The following NTM variants were observed in gnomAD, a reference collection of about 807,000 sequenced individuals.
NTM encodes the protein IgLON family member 2.
A neutral mutation model predicts 42.1 loss-of-function variants in NTM; 13 were observed. The observed-to-expected ratio is 0.31, with a 90% confidence interval of 0.20 to 0.49. The LOEUF is 0.49. Among genes scored for constraint, NTM ranks in the 20% least tolerant of loss-of-function variants. The pLI, the probability that NTM is intolerant of heterozygous loss-of-function variation, is 0.99. For synonymous variants in NTM, 187 were observed against 179.2 expected, an observed-to-expected ratio of 1.04 and a Z score of -0.35; for missense variants, 373 against 452.8, an observed-to-expected ratio of 0.82 and a Z score of 1.60.
intron 7 of NTM, among the ~76,000 whole-genome samples, chr11:132,316,977 G>A (rs1042103698): frequency 6.6e-6 from 1 of 152,180 alleles, no homozygotes; most frequent in Non-Finnish European, 1.5e-5. Context: ...AGTTAGAAAG[G>A]CAGCAAAATT....
intron 4 of NTM, 67 bp from the exon 5 acceptor site, chr11:132,307,622 T>C: frequency 6.3e-7 from 1 of 1,598,490 alleles, no homozygotes; most frequent in Middle Eastern, 1.7e-4. Flanking sequence ...ATACTTTGTT[T>C]TCTAAGTGAA....
chr11:132,132,812 C>G (rs2067069125), intron 2 of NTM, among the ~76,000 whole-genome samples: 1 of 152,196 alleles, frequency 6.6e-6, no homozygotes, highest in Non-Finnish European at 1.5e-5. Context: ...GGAAATCAAG[C>G]TACTAGGCAT....
chr11:132,267,734 G>A (rs1289389434), intron 4 of NTM, among the ~76,000 whole-genome samples: 1 of 151,638 alleles, frequency 6.6e-6, no homozygotes, highest in East Asian at 1.9e-4. Flanking sequence ...AACTGGGGAG[G>A]CAGAGGTTGA....
chr11:132,259,980 A>G (rs1476024826), intron 4 of NTM, among the ~76,000 whole-genome samples: 1 of 152,046 alleles, frequency 6.6e-6, no homozygotes, highest in Non-Finnish European at 1.5e-5. Flanking sequence ...AACACCTGCA[A>G]CTAGGACAGT....
chr11:131,827,755 A>G (rs2042305675), intron 1 of NTM, among the ~76,000 whole-genome samples: 1 of 152,174 alleles, frequency 6.6e-6, no homozygotes. Context: ...ATGCTGGTAA[A>G]TTACAGATAT....
chr11:131,881,419 C>T (rs1055506802), intron 1 of NTM, among the ~76,000 whole-genome samples: 2 of 151,548 alleles, frequency 1.3e-5, no homozygotes, highest in African/African-American at 2.4e-5. Context: ...CTTGACCCTA[C>T]AGAATTTCAG....
At chr11:131,458,277 G>A (rs1591725674) in intron 1 of NTM, among the ~76,000 whole-genome samples, 1 of 152,184 alleles carries the variant, frequency 6.6e-6, no homozygotes, top group East Asian at 1.9e-4. Context: ...GAACTAAGAA[G>A]AGACTGCTGG....
intron 1 of NTM, among the ~76,000 whole-genome samples, chr11:131,457,734 TTATG>T (rs1330613955): frequency 5.3e-5 from 8 of 151,484 alleles, no homozygotes; most frequent in Non-Finnish European, 7.4e-5. Context: ...CCCCCCAAAT[TTATG>T]TGTTAAAATT....
At chr11:131,796,577 A>G (rs1425219604) in intron 1 of NTM, among the ~76,000 whole-genome samples, 1 of 152,176 alleles carries the variant, frequency 6.6e-6, no homozygotes, top group Non-Finnish European at 1.5e-5. Context: ...CTGAGGAGCC[A>G]ACAGGAAACC....
chr11:131,856,662 A>G (rs1592306284), intron 1 of NTM, among the ~76,000 whole-genome samples: 1 of 152,204 alleles, frequency 6.6e-6, no homozygotes, highest in African/African-American at 2.4e-5. Flanking sequence ...TTTATGTAAT[A>G]CCAGCCAAAA....
chr11:132,059,859 C>T (rs1442069642), intron 2 of NTM, among the ~76,000 whole-genome samples: 1 of 152,140 alleles, frequency 6.6e-6, no homozygotes, highest in Non-Finnish European at 1.5e-5. Flanking sequence ...TTCCCAGCTC[C>T]ATTCCTCAGC....
At chr11:132,185,253 G>A (rs1160589269) in intron 3 of NTM, among the ~76,000 whole-genome samples, 1 of 152,168 alleles carries the variant, frequency 6.6e-6, no homozygotes, top group Non-Finnish European at 1.5e-5. Context: ...GAATGTGTAT[G>A]TCTGTGTGTG....
At chr11:131,589,167 A>G (rs55814402) in intron 1 of NTM, among the ~76,000 whole-genome samples, 1 of 143,508 alleles carries the variant, frequency 7.0e-6, no homozygotes, top group African/African-American at 2.6e-5. Flanking sequence ...ACCTGGAAAA[A>G]TGTGTGTGTG....
chr11:131,530,646 A>C (rs1413446870), intron 1 of NTM, among the ~76,000 whole-genome samples: 1 of 152,158 alleles, frequency 6.6e-6, no homozygotes, highest in Admixed American at 6.5e-5. Flanking sequence ...GCCTCAGCTC[A>C]TGTGGGGCAT....
chr11:131,992,643 A>C (rs1334470268), intron 2 of NTM, among the ~76,000 whole-genome samples: 1 of 152,216 alleles, frequency 6.6e-6, no homozygotes, highest in Non-Finnish European at 1.5e-5. Flanking sequence ...GGAACACAGA[A>C]GTAAGAGCAT....
intron 3 of NTM, among the ~76,000 whole-genome samples, chr11:132,172,647 C>T (rs553951908): frequency 6.6e-6 from 1 of 152,292 alleles, no homozygotes; most frequent in South Asian, 2.1e-4. Flanking sequence ...TGTAGCCTCA[C>T]AAGATATATA....
intron 1 of NTM, among the ~76,000 whole-genome samples, chr11:131,393,879 T>G (rs1944289587): frequency 6.6e-6 from 1 of 152,224 alleles, no homozygotes. Context: ...TCCTACCTCC[T>G]TCAGCCTATT....
chr11:131,380,126 C>G (rs1942466881), intron 1 of NTM, among the ~76,000 whole-genome samples: 1 of 152,060 alleles, frequency 6.6e-6, no homozygotes. Flanking sequence ...GGCTTATGCT[C>G]AGGCCCTACC....
At chr11:132,085,856 C>G (rs191306953) in intron 2 of NTM, among the ~76,000 whole-genome samples, 2 of 152,286 alleles carry the variant, frequency 1.3e-5, no homozygotes, top group East Asian at 1.9e-4. Context: ...TAAACAGACA[C>G]AGCTGGAAGA....
Sources: allele counts gnomAD v4.1 joint callset (sites outside exome capture counted in the v4.1 genomes callset), GRCh38; gene constraint gnomAD v4.1.1; transcripts MANE v1.5; gene names NCBI Gene and HGNC (gene_info 2026-07-23, HGNC 2026-07-21).